The following NOL4 variants were observed in gnomAD, a reference collection of about 807,000 sequenced individuals.
The protein encoded by NOL4 is cancer/testis antigen 125.
In NOL4, 17 loss-of-function variants were observed where a neutral mutation model predicts 75.9. The observed-to-expected ratio is 0.22, with a 90% CI of 0.15 to 0.34. The LOEUF is 0.34. NOL4 is among the 10% of genes least tolerant of loss of function. The pLI, the probability that NOL4 is intolerant of heterozygous loss-of-function variation, is 1.00. For missense variants in NOL4, 614 were observed against 793.5 expected (o/e 0.77, Z 2.72); for synonymous variants, 292 against 289.9 (o/e 1.01, Z -0.07).
intron 4 of NOL4, among the ~76,000 whole-genome samples, chr18:34,096,482 T>G (rs1487100121): frequency 6.6e-6 from 1 of 152,112 alleles, no homozygotes; most frequent in African/African-American, 2.4e-5. Context: ...TTTACCAACA[T>G]AGATAAAATA....
chr18:33,893,907 T>C (rs901745165), intron 9 of NOL4, among the ~76,000 whole-genome samples: 1 of 152,106 alleles, frequency 6.6e-6, no homozygotes, highest in African/African-American at 2.4e-5. Flanking sequence ...TGTAAAATAG[T>C]AAACAAGTGG....
chr18:34,029,456 C>A (rs2075522709), intron 5 of NOL4, among the ~76,000 whole-genome samples: 1 of 152,166 alleles, frequency 6.6e-6, no homozygotes, highest in Admixed American at 6.5e-5. Context: ...ATCCTCAAAG[C>A]AAGCCCAGGT....
At chr18:33,860,387 G>C (rs1208637364) in intron 10 of NOL4, among the ~76,000 whole-genome samples, 1 of 152,094 alleles carries the variant, frequency 6.6e-6, no homozygotes, top group Non-Finnish European at 1.5e-5. Flanking sequence ...TAACCCAAAA[G>C]TCCAAGTCCT....
chr18:33,865,290 C>G (rs997696183), intron 10 of NOL4, among the ~76,000 whole-genome samples: 1 of 152,092 alleles, frequency 6.6e-6, no homozygotes, highest in Non-Finnish European at 1.5e-5. Flanking sequence ...TGTGCATCCT[C>G]TGATATGTTT....
rs550143486 is a variant in NOL4 at position 33,862,257 on chromosome 18, AC to A, written c.1724-9223del. ...ACTGGATCCCTTCCTTACACCTTAT[AC>A]AAAAATTAATTCAAGATGGATTAAA... On this transcript the variant is annotated intron_variant, in intron 10 of 10. Coordinates refer to ENST00000261592, the MANE Select transcript of NOL4 (RefSeq NM_003787.5). Among the ~76,000 whole-genome samples, 1,436 of 152,268 alleles carry A rather than the reference AC, an allele frequency of 9.4e-3. 11 individuals are homozygous for A. The highest frequency in any genetic ancestry group is 0.018 in the African/African-American group (764 of 41,560).
chr18:34,074,124 G>T (rs770038048), intron 5 of NOL4, among the ~76,000 whole-genome samples: 3 of 151,508 alleles, frequency 2.0e-5, no homozygotes, highest in Non-Finnish European at 4.4e-5. Context: ...AATAGTCAAA[G>T]AATTGTATTT....
At chr18:33,960,809 T>C (rs1470917290) in intron 6 of NOL4, among the ~76,000 whole-genome samples, 2 of 152,168 alleles carry the variant, frequency 1.3e-5, no homozygotes, top group Non-Finnish European at 2.9e-5. Context: ...TGACTACTTA[T>C]GAGGTTATTG....
In NOL4 at chr18:34,005,170, AATC is replaced by A. The variant is rs2073963992; in HGVS notation, c.1056+14145_1056+14147del. ...TACATGTTTTTTCTTTTTCTGAAGA[AATC>A]ATATATTGGTTCATGCCTCAGTGCT... is the stretch of plus-strand genomic sequence containing the variant. On this transcript the variant is annotated intron_variant, in intron 6 of 10. Transcript: ENST00000261592. Among the ~76,000 whole-genome samples the A allele has an allele frequency of 3.3e-5, 5 of 152,214 alleles. No homozygotes were observed. The South Asian group carries it at 6.2e-4, about 19-fold the overall frequency.
chr18:34,069,576 T>C (rs1393683203), intron 5 of NOL4, among the ~76,000 whole-genome samples: 1 of 152,088 alleles, frequency 6.6e-6, no homozygotes, highest in Non-Finnish European at 1.5e-5. Flanking sequence ...TTTTTTTTAA[T>C]GCATTTAGGC....
chr18:33,920,342 T>A lies in NOL4; in HGVS notation c.1542+22723A>T, dbSNP rs765010343. Among the ~76,000 whole-genome samples, 225 of 152,224 alleles carry A rather than the reference T, an allele frequency of 1.5e-3. 1 individual carries two copies. Among genetic ancestry groups the A allele is most frequent in the Non-Finnish European group, 2.6e-3 (178 of 68,042 alleles). On this transcript the variant is annotated intron_variant, in intron 9 of 10. Transcript: ENST00000261592. The stretch of plus-strand genomic sequence containing the variant: ...AACTCTAAAATAATGTGTAAGTAGT[T>A]TTCCCTCACTTAAAGAGAGTTGGTG...
intron 10 of NOL4, among the ~76,000 whole-genome samples, chr18:33,864,561 AG>A (rs1326369323): frequency 6.6e-6 from 1 of 152,132 alleles, no homozygotes; most frequent in South Asian, 2.1e-4. Context: ...ACAAGTCTCT[AG>A]GAAGTTCCAA....
intron 9 of NOL4, among the ~76,000 whole-genome samples, chr18:33,934,427 A>G (rs2067918316): frequency 6.6e-6 from 1 of 152,182 alleles, no homozygotes; most frequent in Non-Finnish European, 1.5e-5. Context: ...CTCTCTAGCT[A>G]TAAAATACTA....
chr18:34,054,351 G>A (rs1469930659), intron 5 of NOL4, among the ~76,000 whole-genome samples: 1 of 151,722 alleles, frequency 6.6e-6, no homozygotes, highest in Non-Finnish European at 1.5e-5. Context: ...CTTCAATTCT[G>A]CCAATGTTTG....
At chr18:34,199,145 GT>G (rs11323634) in intron 1 of NOL4, among the ~76,000 whole-genome samples, 56,048 of 131,178 alleles carry the variant, frequency 0.43, 10,856 homozygotes, top group South Asian at 0.52. Context: ...GGACAGAGAA[GT>G]TTTTTTTTTT....
At chr18:33,974,851 A>T (rs1382374837) in intron 6 of NOL4, among the ~76,000 whole-genome samples, 1 of 152,314 alleles carries the variant, frequency 6.6e-6, no homozygotes, top group Non-Finnish European at 1.5e-5. Context: ...CAGGATCTCA[A>T]AAGATATTTG....
At chr18:34,219,780 C>T (rs2037168584) in intron 1 of NOL4, among the ~76,000 whole-genome samples, 1 of 152,240 alleles carries the variant, frequency 6.6e-6, no homozygotes, top group Non-Finnish European at 1.5e-5. Context: ...GGTTGCTCAA[C>T]AAACTGCATA....
At position 34,166,955 on chromosome 18, in the gene NOL4, G is replaced by A. The variant is rs1299851463; in HGVS notation, c.265-36935C>T. ...GGGGAGGCTGAGGCAGGAGAATGGC[G>A]TGAACCCGGGAAGCGGAGCTTGCAG... On this transcript the variant is annotated intron_variant, in intron 1 of 10. Transcript: ENST00000261592. Among the ~76,000 whole-genome samples, 4 of 89,258 alleles carry A rather than the reference G, an allele frequency of 4.5e-5. 1 individual carries two copies. The highest frequency in any genetic ancestry group is 1.6e-4 in the African/African-American group (4 of 24,322). The allele number at this position is 89,258 out of a possible 152,430, so 58.6% of individuals were successfully genotyped here. A position where few individuals can be genotyped will look rare whatever the true frequency, so the allele number is the denominator to read the frequency against.
At chr18:34,178,692 C>T (rs958397468) in intron 1 of NOL4, among the ~76,000 whole-genome samples, 5 of 151,484 alleles carry the variant, frequency 3.3e-5, no homozygotes, top group African/African-American at 1.2e-4. Context: ...AACAGAGCCA[C>T]AAGATACAAG....
At chr18:34,077,376 A>G (rs2077793061) in intron 5 of NOL4, among the ~76,000 whole-genome samples, 1 of 152,078 alleles carries the variant, frequency 6.6e-6, no homozygotes, top group African/African-American at 2.4e-5. Flanking sequence ...AAAAATCAAG[A>G]CAAATATTTC....
Sources: allele counts gnomAD v4.1 joint callset (sites outside exome capture counted in the v4.1 genomes callset), GRCh38; gene constraint gnomAD v4.1.1; transcripts MANE v1.5; gene names NCBI Gene and HGNC (gene_info 2026-07-23, HGNC 2026-07-21).